Variants in GALNS observed in about 807,000 individuals in gnomAD.
GALNS encodes N-acetylgalactosamine-6-sulfatase.
GALNS carries 65 observed loss-of-function variants against 65.9 expected under a neutral mutation model. The ratio of observed to expected loss-of-function variants is 0.99; its 90% CI spans 0.81 to 1.21. The LOEUF (loss-of-function observed/expected upper bound fraction) is 1.21. Ranked by LOEUF, GALNS falls within the 50% of genes most tolerant of loss-of-function variation. The pLI is 0.00. For missense variants in GALNS, 776 were observed against 700.7 expected, an observed-to-expected ratio of 1.11 and a Z score of -1.21; for synonymous variants, 346 against 288.9, an observed-to-expected ratio of 1.20 and a Z score of -2.00.
chr16:88,836,367 AGGCTAG>A lies in GALNS; in HGVS notation c.567-106_567-101del, dbSNP rs1912141783. On this transcript the variant is annotated intron_variant, in intron 5 of 13. Coordinates refer to ENST00000268695, the MANE Select transcript of GALNS (RefSeq NM_000512.5). The stretch of plus-strand genomic sequence containing the variant: ...AAAGCCATGGGCTTCATTTAAAAGA[AGGCTAG>A]GGCTGGGCGTCATGGCTCATGCCTG... 6 of 1,000,258 alleles carry A rather than the reference AGGCTAG, an allele frequency of 6.0e-6. No homozygotes were observed. The South Asian group carries it at 8.1e-5, about 14-fold the overall frequency. The allele number at this position is 1,000,258 out of a possible 1,614,324, so 62.0% of individuals were successfully genotyped here.
intron 1 of GALNS, among the ~76,000 whole-genome samples, chr16:88,848,249 G>C (rs950728517): frequency 6.6e-6 from 1 of 152,188 alleles, no homozygotes; most frequent in African/African-American, 2.4e-5. Flanking sequence ...ATGATGTGAC[G>C]ATGTGTGGTG....
At chr16:88,834,712 GA>G (rs1911928133) in intron 8 of GALNS, among the ~76,000 whole-genome samples, 1 of 151,874 alleles carries the variant, frequency 6.6e-6, no homozygotes, top group Non-Finnish European at 1.5e-5. Context: ...CATCAGTGCC[GA>G]GCGGGGGAAA....
rs561839224 is a variant in GALNS at position 88,835,588 on chromosome 16, G to A, written c.758+137C>T. 13 of 1,395,754 alleles carry A rather than the reference G, an allele frequency of 9.3e-6. No individual in the cohort carries two copies. In the African/African-American group the frequency reaches 9.9e-5, roughly 11 times the overall value. 86.5% of individuals were successfully genotyped at this position (1,395,754 alleles called of 1,614,324 possible). On this transcript the variant is annotated intron_variant, in intron 7 of 13. Transcript: ENST00000268695. ...CTCCTCTGCTGATCCCAGGCCAGTGGACGGCTTCAAAGGGGTGGGGTTGCT... is the reference window on the plus strand; with the variant it reads ...CTCCTCTGCTGATCCCAGGCCAGTGAACGGCTTCAAAGGGGTGGGGTTGCT...
At chr16:88,848,041 C>G (rs1016854064) in intron 1 of GALNS, among the ~76,000 whole-genome samples, 1 of 152,194 alleles carries the variant, frequency 6.6e-6, no homozygotes, top group Admixed American at 6.5e-5. Context: ...CTCACACAGG[C>G]TGTGTGTGTG....
At position 88,815,981 on chromosome 16, in the gene GALNS, G is replaced by C. The variant is rs1046198820; in HGVS notation, c.1483-1456C>G. ...GCCCCTCTCCTGGGGCTGGCCTGGA[G>C]TTGGCGGGGACAGAGGGCAGGGAAG... On this transcript the variant is annotated intron_variant, in intron 13 of 13. Transcript: ENST00000268695. 4 of 985,290 alleles carry C rather than the reference G, an allele frequency of 4.1e-6. No homozygotes were observed. In the African/African-American group the frequency reaches 7.0e-5, roughly 17 times the overall value. The allele number at this position is 985,290 out of a possible 1,614,324, so 61.0% of individuals were successfully genotyped here.
chr16:88,846,199 A>G (rs1381820347), intron 1 of GALNS, among the ~76,000 whole-genome samples: 1 of 152,236 alleles, frequency 6.6e-6, no homozygotes, highest in African/African-American at 2.4e-5. Context: ...TCATGGCCCC[A>G]GTGTAGCTCA....
chr16:88,841,510 C>G (rs1232346675), intron 3 of GALNS, among the ~76,000 whole-genome samples: 1 of 152,218 alleles, frequency 6.6e-6, no homozygotes, highest in Non-Finnish European at 1.5e-5. Context: ...ATCCCACTTC[C>G]CCTGTGAGAT....
At chr16:88,840,806 T>A (rs913733523) in intron 4 of GALNS, 186 bp downstream of exon 4, 1 of 640,006 alleles carries the variant, frequency 1.6e-6, no homozygotes, top group South Asian at 1.7e-5. Context: ...TGACCTGAGA[T>A]CCTGCTGGCA....
chr16:88,853,330 T>C lies in GALNS; in HGVS notation c.120+3428A>G, dbSNP rs187051643. Among the ~76,000 whole-genome samples the C allele has an allele frequency of 1.2e-3, 176 of 150,666 alleles. 1 individual carries two copies. The highest frequency in any genetic ancestry group is 2.2e-3 in the Admixed American group (33 of 15,152). ...GTTCAGCGAGCACAGCTGTGAGCCA[T>C]GGATCAGTATCCTTCAGAATTTCAG... On this transcript the variant is annotated intron_variant, in intron 1 of 13. Coordinates refer to ENST00000268695, the MANE Select transcript of GALNS (RefSeq NM_000512.5).
intron 1 of GALNS, chr16:88,843,399 G>A (rs371307145): frequency 2.3e-4 from 91 of 390,108 alleles, no homozygotes; most frequent in South Asian, 1.8e-3. Flanking sequence ...AGGGCAGCAC[G>A]ACTCAGTGGC....
chr16:88,843,228 C>T lies in GALNS; in HGVS notation c.121-399G>A, dbSNP rs112532446. ...TTTTCAACATAAATACACAGGCCCT[C>T]GTATGTCTGTACACGTCTAGATTTC... On this transcript the variant is annotated intron_variant, in intron 1 of 13. Coordinates refer to ENST00000268695, the MANE Select transcript of GALNS (RefSeq NM_000512.5). The T allele has an allele frequency of 2.2e-3, 2,931 of 1,304,546 alleles. 49 individuals carry two copies. The African/African-American group carries it at 0.039, about 17-fold the overall frequency. The allele number at this position is 1,304,546 out of a possible 1,614,324, so 80.8% of individuals were successfully genotyped here. A position where few individuals can be genotyped will look rare whatever the true frequency, so the allele number is the denominator to read the frequency against.
intron 5 of GALNS, 104 bp from the exon 6 acceptor site, chr16:88,836,371 T>C (rs1454225331): frequency 3.1e-6 from 3 of 969,736 alleles, no homozygotes; most frequent in African/African-American, 3.2e-5. Context: ...AAAAGAAGGC[T>C]AGGGCTGGGC....
At chr16:88,839,422 G>A (rs369460982) in intron 4 of GALNS, among the ~76,000 whole-genome samples, 17 of 152,398 alleles carry the variant, frequency 1.1e-4, no homozygotes, top group East Asian at 5.8e-4. Flanking sequence ...GTCCTTGTCC[G>A]AAAGCAGCAG....
At chr16:88,828,887 T>C (rs1238462689) in intron 9 of GALNS, among the ~76,000 whole-genome samples, 1 of 152,156 alleles carries the variant, frequency 6.6e-6, no homozygotes, top group Non-Finnish European at 1.5e-5. Context: ...CCCAGCCCTG[T>C]CCCGGCCTGG....
At chr16:88,815,397 G>T (rs1909518371) in intron 13 of GALNS, 1 of 985,372 alleles carries the variant, frequency 1.0e-6, no homozygotes, top group Non-Finnish European at 1.2e-6. Flanking sequence ...CCAGGGAGAA[G>T]CCAGTCCCTA....
chr16:88,815,205 C>T (rs1196145620), intron 13 of GALNS: 1 of 985,338 alleles, frequency 1.0e-6, no homozygotes, highest in African/African-American at 1.7e-5. Context: ...TGAAGGCTGC[C>T]ATTGGAGAAA....
chr16:88,841,640 G>A (rs932904117), intron 3 of GALNS, among the ~76,000 whole-genome samples: 22 of 152,222 alleles, frequency 1.4e-4, no homozygotes, highest in African/African-American at 5.3e-4. Context: ...CTGGGGAGTG[G>A]GAGCTTCTGG....
At position 88,837,732 on chromosome 16, in the gene GALNS, CA is replaced by C. The variant is rs762644678; in HGVS notation, c.455del (p.Leu152ArgfsTer47). 2 of 1,614,050 alleles carry C rather than the reference CA, an allele frequency of 1.2e-6. No homozygotes were observed. Among genetic ancestry groups the C allele is most frequent in the South Asian group, 1.1e-5 (1 of 91,080 alleles). ...CAAACCACTCATCAAATCCGTGCTT[CA>C]GGGGGTGGAACTGGGGCCTGTGACC... Reference protein sequence around the residue: ...HLGHRPQFHPLKHGFDEWFGS... With the variant: ...HLGHRPQFHPXKHGFDEWFGS... On this transcript the variant is annotated frameshift_variant, in exon 5 of 14. Transcript: ENST00000268695. LOFTEE classifies it high-confidence loss of function.
At chr16:88,831,242 G>A (rs570444832) in intron 9 of GALNS, among the ~76,000 whole-genome samples, 1 of 150,640 alleles carries the variant, frequency 6.6e-6, no homozygotes, top group Non-Finnish European at 1.5e-5. Context: ...GGTGCGTGGG[G>A]AGGAGAGCGG....
Sources: allele counts gnomAD v4.1 joint callset (sites outside exome capture counted in the v4.1 genomes callset), GRCh38; gene constraint gnomAD v4.1.1; transcripts MANE v1.5; gene names NCBI Gene and HGNC (gene_info 2026-07-23, HGNC 2026-07-21).